The following FAM124B variants were observed in gnomAD, a reference collection of about 807,000 sequenced individuals.
The protein encoded by FAM124B is family with sequence similarity 124 member B.
Under a neutral mutation model 19.7 loss-of-function variants are expected in FAM124B, and 18 were observed. That is an observed-to-expected ratio of 0.92 (90% confidence interval 0.63 to 1.36). FAM124B has a LOEUF of 1.36. Ranked by LOEUF, FAM124B falls within the 40% of genes most tolerant of loss-of-function variation. The pLI, the probability that FAM124B is intolerant of heterozygous loss-of-function variation, is 0.00. For missense variants in FAM124B, 540 were observed against 553.3 expected (o/e 0.98, Z 0.24); for synonymous variants, 223 against 225.2 (o/e 0.99, Z 0.09).
At chr2:224,396,132 C>A (rs1689965770) in intron 1 of FAM124B, among the ~76,000 whole-genome samples, 1 of 152,204 alleles carries the variant, frequency 6.6e-6, no homozygotes, top group African/African-American at 2.4e-5. Context: ...AGTCCCCCCG[C>A]TCTTGGTACT....
chr2:224,387,479 A>T (rs1037572318), intron 1 of FAM124B, among the ~76,000 whole-genome samples: 3 of 152,206 alleles, frequency 2.0e-5, no homozygotes, highest in African/African-American at 7.2e-5. Flanking sequence ...CATGGAAACA[A>T]TTTAGGTAAA....
chr2:224,396,291 A>ATCG lies in FAM124B; in HGVS notation c.732+4743_732+4745dup, dbSNP rs200338729. 5.9e-5 allele frequency among the ~76,000 whole-genome samples: 9 copies of ATCG among 152,064 alleles called. No homozygotes were observed. The East Asian group carries it at 1.4e-3, about 23-fold the overall frequency. On this transcript the variant is annotated intron_variant, in intron 1 of 1. Transcript: ENST00000409685. ...GCCTGCTAAGCAGCACCACACCAAC[A>ATCG]TCGTCACCCACGGTCACCTGTTTGA... is the stretch of plus-strand genomic sequence containing the variant.
chr2:224,391,521 TAC>T (rs1259313027), intron 1 of FAM124B, among the ~76,000 whole-genome samples: 1 of 152,218 alleles, frequency 6.6e-6, no homozygotes, highest in African/African-American at 2.4e-5. Context: ...CAAGTTTCGC[TAC>T]AGTGTTAGAA....
Position 224,401,733 on chromosome 2 carries a change from G to T in FAM124B, c.36C>A (p.Val12=), listed in dbSNP as rs746560096. The change falls in exon 1 of 2, where the codon GTC becomes GTA. Residue 12 remains valine (V), a synonymous_variant. Transcript: ENST00000409685. ...CGTGCCCAGAGTTGGCAAGAAGATG[G>T]ACAGTCATGGCCAGAGGCCCCTGTG... ...DETQGPLAMT[V]HLLANSGHGS... is the part of the protein sequence containing the mutation. 6 of 1,613,996 alleles carry T rather than the reference G, an allele frequency of 3.7e-6. No individual in the cohort carries two copies. The highest frequency in any genetic ancestry group is 5.1e-6 in the Non-Finnish European group (6 of 1,180,038).
At position 224,400,233 on chromosome 2, in the gene FAM124B, A is replaced by C. The variant is rs1391906838; in HGVS notation, c.732+804T>G. ...TGTAACAAACCTGCACTTTGTGCAC[A>C]TGTACCCCAGAACTTAAAGTATAAT... On this transcript the variant is annotated intron_variant, in intron 1 of 1. Coordinates refer to ENST00000409685, the MANE Select transcript of FAM124B (RefSeq NM_001122779.2). 14 of 431,654 alleles carry C rather than the reference A, an allele frequency of 3.2e-5. No homozygotes were observed. The East Asian group carries it at 4.8e-4, about 15-fold the overall frequency. 26.7% of individuals were successfully genotyped at this position (431,654 alleles called of 1,614,324 possible). A position where few individuals can be genotyped will look rare whatever the true frequency, so the allele number is the denominator to read the frequency against.
At chr2:224,380,569 C>A (rs1482168375) in intron 1 of FAM124B, among the ~76,000 whole-genome samples, 1 of 152,116 alleles carries the variant, frequency 6.6e-6, no homozygotes, top group Non-Finnish European at 1.5e-5. Flanking sequence ...TATTTATTAG[C>A]AACCATGTAA....
intron 1 of FAM124B, among the ~76,000 whole-genome samples, chr2:224,385,339 G>T (rs1379766281): frequency 6.6e-6 from 1 of 152,064 alleles, no homozygotes; most frequent in African/African-American, 2.4e-5. Flanking sequence ...TCAGCTTCTT[G>T]GCCAATAAAT....
Position 224,379,855 on chromosome 2 carries a change from A to C in FAM124B, c.1086T>G (p.Asn362Lys), listed in dbSNP as rs1689685618. 1 of 1,552,156 alleles carries C rather than the reference A, an allele frequency of 6.4e-7. No homozygotes were observed. The highest frequency in any genetic ancestry group is 1.4e-5 in the African/African-American group (1 of 73,166). ...TTATGATGGTCAAGCCGGTGTCAAC[A>C]TTCGTCTCGGCCTCAAGCTTCTGAA... is the stretch of plus-strand genomic sequence containing the variant. ...NSFQKLEAET[N>K]VDTGLTIINS... is the part of the protein sequence containing the mutation. Residue 362 changes from asparagine (N) to lysine (K), a missense_variant, in exon 2 of 2, where the codon AAT (asparagine) becomes AAG (lysine). Physicochemically the swap from Asn to Lys is moderately conservative, Grantham distance 94. Coordinates refer to ENST00000409685, the MANE Select transcript of FAM124B (RefSeq NM_001122779.2).
At chr2:224,398,860 C>A (rs1690017553) in intron 1 of FAM124B, among the ~76,000 whole-genome samples, 1 of 152,212 alleles carries the variant, frequency 6.6e-6, no homozygotes, top group Non-Finnish European at 1.5e-5. Flanking sequence ...CCTGTAGTCT[C>A]AGCCACTTGG....
chr2:224,388,143 T>C (rs1399630538), intron 1 of FAM124B, among the ~76,000 whole-genome samples: 2 of 152,216 alleles, frequency 1.3e-5, no homozygotes, highest in Admixed American at 1.3e-4. Flanking sequence ...AAGTCCCACA[T>C]TATAAAATAC....
chr2:224,393,341 A>G (rs1689918236), intron 1 of FAM124B, among the ~76,000 whole-genome samples: 1 of 152,208 alleles, frequency 6.6e-6, no homozygotes, highest in Non-Finnish European at 1.5e-5. Flanking sequence ...TGTTGTTGAG[A>G]TGGTACACCC....
chr2:224,399,896 G>A (rs1690034851), intron 1 of FAM124B: 6 of 152,098 alleles, frequency 3.9e-5, no homozygotes, highest in Admixed American at 3.9e-4. Context: ...TATGAGAGAG[G>A]AAGATGCTAA....
At chr2:224,393,977 T>C (rs1470974800) in intron 1 of FAM124B, among the ~76,000 whole-genome samples, 1 of 152,054 alleles carries the variant, frequency 6.6e-6, no homozygotes, top group African/African-American at 2.4e-5. Context: ...CACAAGCAAC[T>C]GGGGGCCCAG....
At chr2:224,384,273 A>G (rs1689769107) in intron 1 of FAM124B, among the ~76,000 whole-genome samples, 1 of 152,006 alleles carries the variant, frequency 6.6e-6, no homozygotes, top group Non-Finnish European at 1.5e-5. Flanking sequence ...TCCCCATCAC[A>G]TCTGCTCTTC....
intron 1 of FAM124B, among the ~76,000 whole-genome samples, chr2:224,399,188 C>G (rs1381004172): frequency 1.3e-5 from 2 of 152,102 alleles, no homozygotes; most frequent in Non-Finnish European, 2.9e-5. Flanking sequence ...TGTCAGTCAG[C>G]CTTAAAGACA....
At position 224,401,202 on chromosome 2, in the gene FAM124B, C is replaced by A; in HGVS notation, c.567G>T (p.Lys189Asn). ...SKSFALQLSL[K>N]QLPPGMSVDP... ...CCACTGACATTCCCGGGGGCAGCTGCTTCAGGGAGAGCTGCAGAGCAAAGC... is the reference window on the plus strand; with the variant it reads ...CCACTGACATTCCCGGGGGCAGCTGATTCAGGGAGAGCTGCAGAGCAAAGC... The change falls in exon 1 of 2, where the codon AAG becomes AAT. Residue 189 changes from lysine to asparagine, a missense_variant. Lys to Asn is a moderately conservative substitution (Grantham distance 94, BLOSUM62 0). Coordinates refer to ENST00000409685, the MANE Select transcript of FAM124B (RefSeq NM_001122779.2). 1.2e-6 allele frequency: 2 copies of A among 1,614,162 alleles called. No individual in the cohort carries two copies. The highest frequency in any genetic ancestry group is 2.2e-5 in the South Asian group (2 of 91,072).
intron 1 of FAM124B, chr2:224,399,818 A>G (rs1690033007): frequency 6.6e-6 from 1 of 152,224 alleles, no homozygotes; most frequent in Non-Finnish European, 1.5e-5. Context: ...AATAATAGCT[A>G]AAATTGAGTT....
Position 224,380,180 on chromosome 2 carries a change from T to C in FAM124B, c.761A>G (p.Lys254Arg). ...QVQLNPELGVKNGILGAGMLP... is the reference protein window; with the variant it reads ...QVQLNPELGVRNGILGAGMLP... ...CATGCCAGCTCCCAAGATGCCATTCTTAACACCAAGTTCTGGATTCAGCTG... is the reference window on the plus strand; with the variant it reads ...CATGCCAGCTCCCAAGATGCCATTCCTAACACCAAGTTCTGGATTCAGCTG... Residue 254 changes from lysine to arginine, a missense_variant, in exon 2 of 2, where the codon AAG (lysine) becomes AGG (arginine). Lys to Arg is a conservative substitution (Grantham distance 26, BLOSUM62 2). Transcript: ENST00000409685. The C allele has an allele frequency of 6.5e-7, 1 of 1,549,172 alleles. No individual in the cohort carries two copies. Among genetic ancestry groups the C allele is most frequent in the Non-Finnish European group, 8.7e-7 (1 of 1,145,282 alleles).
At chr2:224,393,059 G>A (rs1177855070) in intron 1 of FAM124B, among the ~76,000 whole-genome samples, 1 of 152,218 alleles carries the variant, frequency 6.6e-6, no homozygotes, top group Non-Finnish European at 1.5e-5. Context: ...AAGTCCTAGA[G>A]GACAGTGCAT....
Sources: allele counts gnomAD v4.1 joint callset (sites outside exome capture counted in the v4.1 genomes callset), GRCh38; gene constraint gnomAD v4.1.1; transcripts MANE v1.5; gene names NCBI Gene and HGNC (gene_info 2026-07-23, HGNC 2026-07-21).